The following TENM4 variants were observed in gnomAD, a reference collection of about 807,000 sequenced individuals.
TENM4 encodes the protein teneurin-4.
In TENM4, 82 loss-of-function variants were observed where a neutral mutation model predicts 243.3. The observed-to-expected ratio is 0.34, with a 90% CI of 0.28 to 0.40. TENM4 has a LOEUF of 0.40. Among genes scored for constraint, TENM4 ranks in the 10% least tolerant of loss-of-function variants. The pLI, the probability that TENM4 is intolerant of heterozygous loss-of-function variation, is 1.00. For missense variants in TENM4, 3,138 were observed against 3,673.3 expected (o/e 0.85, Z 3.77); for synonymous variants, 1,412 against 1,456.3 (o/e 0.97, Z 0.69).
At chr11:78,946,531 G>A (rs1029836036) in intron 6 of TENM4, among the ~76,000 whole-genome samples, 7 of 152,148 alleles carry the variant, frequency 4.6e-5, no homozygotes, top group African/African-American at 1.4e-4. Flanking sequence ...TCTTCAGCTC[G>A]TGGATCAAAA....
intron 4 of TENM4, among the ~76,000 whole-genome samples, chr11:79,136,723 AT>A (rs1217327712): frequency 1.3e-5 from 2 of 152,198 alleles, no homozygotes; most frequent in African/African-American, 4.8e-5. Context: ...GACTCACAGA[AT>A]GCCTTATCCA....
intron 1 of TENM4, among the ~76,000 whole-genome samples, chr11:79,317,393 G>T (rs572958030): frequency 2.6e-5 from 4 of 152,236 alleles, no homozygotes; most frequent in East Asian, 1.9e-4. Flanking sequence ...TTCTGGGAAG[G>T]GGGGGTCAGG....
At chr11:79,354,890 G>A (rs1421628830) in intron 1 of TENM4, among the ~76,000 whole-genome samples, 2 of 152,178 alleles carry the variant, frequency 1.3e-5, no homozygotes, top group Non-Finnish European at 2.9e-5. Flanking sequence ...TTCTATGTGT[G>A]CAGTGTGTTG....
At chr11:78,964,660 T>C (rs1857402726) in intron 6 of TENM4, among the ~76,000 whole-genome samples, 1 of 152,204 alleles carries the variant, frequency 6.6e-6, no homozygotes, top group African/African-American at 2.4e-5. Context: ...TTCCTTTCTC[T>C]GAATTAACCT....
chr11:78,652,871 C>T lies in TENM4; in HGVS notation c.*5187G>A, dbSNP rs767632688. 6.6e-6 allele frequency: 1 copy of T among 152,174 alleles called. No individual in the cohort carries two copies. Among genetic ancestry groups the T allele is most frequent in the Non-Finnish European group, 1.5e-5 (1 of 68,046 alleles). 9.4% of individuals were successfully genotyped at this position (152,174 alleles called of 1,614,324 possible). ...CATTTATTTTTAAAGTGCAACGGCTCACATCCCTTGTGGAAGGCAGTGGCA... is the reference window on the plus strand; with the variant it reads ...CATTTATTTTTAAAGTGCAACGGCTTACATCCCTTGTGGAAGGCAGTGGCA... On this transcript the variant is annotated 3_prime_UTR_variant, in exon 34 of 34. Transcript: ENST00000278550.
intron 4 of TENM4, among the ~76,000 whole-genome samples, chr11:79,139,748 TAA>T (rs1565220780): frequency 4.0e-5 from 1 of 24,920 alleles, no homozygotes; most frequent in Non-Finnish European, 8.8e-5. Context: ...TATAAATATA[TAA>T]TATATATTAT....
chr11:79,061,657 T>C (rs1860090236), intron 6 of TENM4, among the ~76,000 whole-genome samples: 1 of 152,198 alleles, frequency 6.6e-6, no homozygotes, highest in South Asian at 2.1e-4. Context: ...TTATGTTAAG[T>C]GATCATTTGT....
In TENM4 at chr11:79,006,518, A is replaced by C. The variant is rs373297565; in HGVS notation, c.493+58220T>G. Among the ~76,000 whole-genome samples the C allele has an allele frequency of 1.9e-3, 287 of 152,254 alleles. 1 individual carries two copies. Among genetic ancestry groups the C allele is most frequent in the African/African-American group, 6.7e-3 (279 of 41,552 alleles). On this transcript the variant is annotated intron_variant, in intron 6 of 33. Coordinates refer to ENST00000278550, the MANE Select transcript of TENM4 (RefSeq NM_001098816.3). Reference sequence around the variant, plus strand: ...GCATTTTAATATCTGATTCCTGTGAATCTTCACCAAAACTCTATGAGGTGT... The same window carrying C: ...GCATTTTAATATCTGATTCCTGTGACTCTTCACCAAAACTCTATGAGGTGT...
At chr11:79,082,333 G>C (rs1860697011) in intron 4 of TENM4, among the ~76,000 whole-genome samples, 1 of 152,124 alleles carries the variant, frequency 6.6e-6, no homozygotes, top group Admixed American at 6.5e-5. Flanking sequence ...GTTTGTGAAG[G>C]GGGCAACTGA....
chr11:79,322,613 G>C (rs1856910204), intron 1 of TENM4, among the ~76,000 whole-genome samples: 1 of 151,988 alleles, frequency 6.6e-6, no homozygotes, highest in African/African-American at 2.4e-5. Context: ...AAGCAATTTG[G>C]CATAAACATA....
At chr11:79,267,340 GAGGCCATTTA>G (rs1381850819) in intron 2 of TENM4, among the ~76,000 whole-genome samples, 1 of 152,174 alleles carries the variant, frequency 6.6e-6, no homozygotes. Flanking sequence ...CTGTTCTGTG[GAGGCCATTTA>G]CCCTGTTCAA....
At chr11:78,717,836 T>C (rs1438501793) in intron 25 of TENM4, among the ~76,000 whole-genome samples, 1 of 152,190 alleles carries the variant, frequency 6.6e-6, no homozygotes, top group Non-Finnish European at 1.5e-5. Flanking sequence ...AGTTCAAATG[T>C]ACTTCTGAAG....
intron 4 of TENM4, among the ~76,000 whole-genome samples, chr11:79,128,370 A>C (rs914331075): frequency 6.6e-6 from 1 of 152,216 alleles, no homozygotes; most frequent in African/African-American, 2.4e-5. Flanking sequence ...CCATCTATCC[A>C]TAAAGTGGCT....
intron 6 of TENM4, among the ~76,000 whole-genome samples, chr11:78,978,617 G>A (rs890726349): frequency 3.3e-5 from 5 of 151,998 alleles, no homozygotes; most frequent in African/African-American, 9.7e-5. Flanking sequence ...CAAAGGGGAA[G>A]TGGACACCAG....
intron 12 of TENM4, 146 bp from the exon 13 acceptor site, chr11:78,814,541 C>T (rs1857564903): frequency 6.0e-6 from 4 of 666,938 alleles, no homozygotes; most frequent in Non-Finnish European, 1.0e-5. Context: ...AGTTAAAATT[C>T]TATGTTATTT....
intron 4 of TENM4, among the ~76,000 whole-genome samples, chr11:79,143,710 A>G (rs1862339719): frequency 6.6e-6 from 1 of 151,588 alleles, no homozygotes; most frequent in Non-Finnish European, 1.5e-5. Flanking sequence ...AATAAAAATA[A>G]ATAAATAAAT....
chr11:78,869,834 A>G (rs1008920959), intron 9 of TENM4, among the ~76,000 whole-genome samples: 7 of 152,226 alleles, frequency 4.6e-5, no homozygotes, highest in East Asian at 1.9e-4. Context: ...ATTTTAAGAC[A>G]AAGATTTCGC....
At chr11:78,970,799 G>T (rs1277901903) in intron 6 of TENM4, among the ~76,000 whole-genome samples, 1 of 152,156 alleles carries the variant, frequency 6.6e-6, no homozygotes, top group African/African-American at 2.4e-5. Flanking sequence ...ACAATGGAGA[G>T]TCAGATTCCT....
At chr11:79,255,543 G>T (rs1855687717) in intron 2 of TENM4, among the ~76,000 whole-genome samples, 1 of 152,194 alleles carries the variant, frequency 6.6e-6, no homozygotes, top group South Asian at 2.1e-4. Context: ...TAGATCAAAT[G>T]TAAAACTGAA....
Sources: gnomAD v4.1 joint callset for allele counts (sites outside exome capture counted in the v4.1 genomes callset) on GRCh38, gnomAD v4.1.1 for gene constraint, MANE v1.5 for transcripts, NCBI Gene and HGNC (gene_info 2026-07-23, HGNC 2026-07-21) for gene names.